CAB39: variants seen among roughly 807,000 people sequenced by gnomAD.
CAB39 encodes the protein calcium binding protein 39, also known as calcium-binding protein 39.
Under a neutral mutation model 40.0 loss-of-function variants are expected in CAB39, and 8 were observed. The ratio of observed to expected loss-of-function variants is 0.20; its 90% CI spans 0.12 to 0.36. The LOEUF (loss-of-function observed/expected upper bound fraction) is 0.36. Ranked by LOEUF, CAB39 falls within the 10% of genes least tolerant of loss-of-function variation. The pLI, the probability that CAB39 is intolerant of heterozygous loss-of-function variation, is 1.00. For synonymous variants in CAB39, 156 were observed against 141.6 expected (o/e 1.10, Z -0.72); for missense variants, 270 against 401.1 (o/e 0.67, Z 2.79).
At chr2:230,722,404 G>C (rs1405494755) in intron 1 of CAB39, among the ~76,000 whole-genome samples, 2 of 152,140 alleles carry the variant, frequency 1.3e-5, no homozygotes, top group Non-Finnish European at 2.9e-5. Context: ...CGATCCTCCT[G>C]CCTCAGCATC....
chr2:230,717,056 C>T (rs940257088), intron 1 of CAB39, among the ~76,000 whole-genome samples: 1 of 152,130 alleles, frequency 6.6e-6, no homozygotes. Context: ...TCCTCTTTTT[C>T]ATTGCTTCTT....
chr2:230,803,228 A>G (rs921544482), intron 5 of CAB39, among the ~76,000 whole-genome samples: 3 of 152,220 alleles, frequency 2.0e-5, no homozygotes, highest in East Asian at 1.9e-4. Flanking sequence ...AAAACTCTCA[A>G]TAAACTAGGT....
intron 1 of CAB39, among the ~76,000 whole-genome samples, chr2:230,757,489 C>T (rs1205338820): frequency 1.3e-5 from 2 of 152,110 alleles, no homozygotes; most frequent in Non-Finnish European, 2.9e-5. Context: ...TTATGTCATG[C>T]CTCCCCTTGC....
At chr2:230,747,051 G>A (rs1694989536) in intron 1 of CAB39, among the ~76,000 whole-genome samples, 1 of 151,966 alleles carries the variant, frequency 6.6e-6, no homozygotes, top group Non-Finnish European at 1.5e-5. Flanking sequence ...GGAGCAGCTG[G>A]TGTTTGAAAG....
intron 1 of CAB39, among the ~76,000 whole-genome samples, chr2:230,759,029 G>A (rs1188404297): frequency 6.6e-6 from 1 of 152,174 alleles, no homozygotes; most frequent in Non-Finnish European, 1.5e-5. Context: ...TGTGGTTTAT[G>A]TGGTTGAAAT....
rs1390925116 is a variant in CAB39, at chr2:230,820,910, G to A, written c.*2206G>A. Reference sequence around the variant, plus strand: ...GTTATAAAGGTTTAATTTTACATAAGGCAGTTACTTAATGTGATTTTTAAC... The same window carrying A: ...GTTATAAAGGTTTAATTTTACATAAAGCAGTTACTTAATGTGATTTTTAAC... On this transcript the variant is annotated 3_prime_UTR_variant, in exon 9 of 9. Coordinates refer to ENST00000258418, the MANE Select transcript of CAB39 (RefSeq NM_016289.4). 1 of 152,526 alleles carries A rather than the reference G, an allele frequency of 6.6e-6. No homozygotes were observed. Among genetic ancestry groups the A allele is most frequent in the Admixed American group, 6.5e-5 (1 of 15,280 alleles). The allele number at this position is 152,526 out of a possible 1,614,324, so 9.4% of individuals were successfully genotyped here.
chr2:230,806,611 G>A (rs746995793), intron 5 of CAB39, among the ~76,000 whole-genome samples: 1 of 152,114 alleles, frequency 6.6e-6, no homozygotes, highest in Non-Finnish European at 1.5e-5. Flanking sequence ...GCCTCGGTAG[G>A]GACCTGCCAT....
intron 1 of CAB39, among the ~76,000 whole-genome samples, chr2:230,749,550 C>T (rs59530213): frequency 0.04 from 6,113 of 152,180 alleles, 424 homozygotes; most frequent in African/African-American, 0.14. Context: ...CTTAGCAAAT[C>T]GCTCTGCATG....
At chr2:230,737,418 A>G (rs1018841988) in intron 1 of CAB39, among the ~76,000 whole-genome samples, 11 of 152,186 alleles carry the variant, frequency 7.2e-5, no homozygotes, top group African/African-American at 2.7e-4. Flanking sequence ...CTAATTTTAA[A>G]CAATGTAACT....
intron 2 of CAB39, among the ~76,000 whole-genome samples, chr2:230,761,709 G>A (rs142617761): frequency 4.3e-4 from 65 of 152,102 alleles, no homozygotes; most frequent in Non-Finnish European, 6.3e-4. Flanking sequence ...TTTGGTATGT[G>A]CTGCTGGCTG....
intron 1 of CAB39, among the ~76,000 whole-genome samples, chr2:230,757,655 T>C (rs1036150863): frequency 1.3e-5 from 2 of 152,174 alleles, no homozygotes; most frequent in Admixed American, 6.5e-5. Flanking sequence ...CTCTGTTGCA[T>C]AGCACCGTAA....
At chr2:230,782,833 G>C (rs370717710) in intron 2 of CAB39, among the ~76,000 whole-genome samples, 1 of 23,700 alleles carries the variant, frequency 4.2e-5, no homozygotes, top group African/African-American at 3.3e-4. Flanking sequence ...TTTTTTTTTT[G>C]AGAAGAAGGG....
At chr2:230,758,968 A>G (rs1270737370) in intron 1 of CAB39, among the ~76,000 whole-genome samples, 2 of 152,150 alleles carry the variant, frequency 1.3e-5, no homozygotes, top group Admixed American at 1.3e-4. Context: ...TTGTTTCTTC[A>G]TAGTGCCTTC....
chr2:230,748,400 T>G (rs754513454), intron 1 of CAB39, among the ~76,000 whole-genome samples: 3 of 152,176 alleles, frequency 2.0e-5, no homozygotes, highest in African/African-American at 4.8e-5. Flanking sequence ...CCTAATAGAT[T>G]AGTGTTGTCC....
intron 8 of CAB39, 111 bp from the exon 9 acceptor site, chr2:230,818,405 C>T: frequency 2.5e-6 from 2 of 792,876 alleles, no homozygotes; most frequent in Non-Finnish European, 2.0e-6. Context: ...ACCCTGACTT[C>T]AGCGCCATCC....
At chr2:230,755,998 T>C (rs978712600) in intron 1 of CAB39, among the ~76,000 whole-genome samples, 3 of 152,212 alleles carry the variant, frequency 2.0e-5, no homozygotes, top group African/African-American at 7.2e-5. Context: ...GCACTCTGAA[T>C]GGCTTGATGG....
At position 230,713,111 on chromosome 2, in the gene CAB39, G is replaced by C. The variant is rs1157147721; in HGVS notation, c.-163G>C. ...GGAGCAGGAGCGGGCGGAAGACAAC[G>C]GAGGGGCCGAGCGTCCGAGCCACTC... On this transcript the variant is annotated 5_prime_UTR_variant, in exon 1 of 9. Transcript: ENST00000258418. 3 of 151,758 alleles carry C rather than the reference G, an allele frequency of 2.0e-5. No homozygotes were observed. Among genetic ancestry groups the C allele is most frequent in the Non-Finnish European group, 4.4e-5 (3 of 67,876 alleles). The allele number at this position is 151,758 out of a possible 1,614,324, so 9.4% of individuals were successfully genotyped here.
intron 2 of CAB39, among the ~76,000 whole-genome samples, chr2:230,775,731 T>C (rs969496375): frequency 1.3e-5 from 2 of 152,206 alleles, no homozygotes; most frequent in African/African-American, 4.8e-5. Context: ...TTGTCTACTG[T>C]CTTTACTTGC....
At chr2:230,733,534 G>T (rs1291058130) in intron 1 of CAB39, among the ~76,000 whole-genome samples, 1 of 152,164 alleles carries the variant, frequency 6.6e-6, no homozygotes, top group Non-Finnish European at 1.5e-5. Flanking sequence ...GACTTTGTTT[G>T]AAAGGAGATT....
Sources: gnomAD v4.1 joint callset for allele counts (sites outside exome capture counted in the v4.1 genomes callset) on GRCh38, gnomAD v4.1.1 for gene constraint, MANE v1.5 for transcripts, NCBI Gene and HGNC (gene_info 2026-07-23, HGNC 2026-07-21) for gene names.